NSL1: variants seen among roughly 807,000 people sequenced by gnomAD.
NSL1 encodes the protein NSL1 component of MIS12 kinetochore complex.
In NSL1, 11 loss-of-function variants were observed where a neutral mutation model predicts 25.4. The ratio of observed to expected loss-of-function variants is 0.43; its 90% CI spans 0.27 to 0.72. The LOEUF is 0.72. NSL1 is among the 30% of genes least tolerant of loss of function. The pLI is 0.19. For synonymous variants in NSL1, 118 were observed against 120.6 expected, an observed-to-expected ratio of 0.98 and a Z score of 0.14; for missense variants, 330 against 342.7, an observed-to-expected ratio of 0.96 and a Z score of 0.29.
rs1659536705 is a variant in NSL1, at chr1:212,760,965, A to C, written c.500-21364T>G. 6.6e-6 allele frequency among the ~76,000 whole-genome samples: 1 copy of C among 152,248 alleles called. No homozygotes were observed. The highest frequency in any genetic ancestry group is 1.5e-5 in the Non-Finnish European group (1 of 68,048). ...GTACCAACCATAGCGTAAGTCACTA[A>C]GGAACTCACAAACATCACTGACACT... On this transcript the variant is annotated intron_variant, in intron 4 of 5. Coordinates refer to ENST00000366977, the MANE Select transcript of NSL1 (RefSeq NM_015471.4). This position sits in a 1 kb window ranked among gnomAD's most constrained non-coding sequence, Gnocchi z 4.3.
At chr1:212,784,211 AAGAGT>A (rs1217290202) in intron 3 of NSL1, 147 bp downstream of exon 3, 2 of 490,510 alleles carry the variant, frequency 4.1e-6, no homozygotes, top group Non-Finnish European at 3.6e-6. Flanking sequence ...TACAACTTAG[AAGAGT>A]AAAGTCTTAC....
chr1:212,729,779 G>A lies in NSL1; in HGVS notation c.*8629C>T, dbSNP rs1261402734. 2.5e-5 allele frequency: 25 copies of A among 985,068 alleles called. No individual in the cohort carries two copies. Among genetic ancestry groups the A allele is most frequent in the Non-Finnish European group, 2.9e-5 (24 of 829,908 alleles). 61.0% of individuals were successfully genotyped at this position (985,068 alleles called of 1,614,324 possible). A position where few individuals can be genotyped will look rare whatever the true frequency, so the allele number is the denominator to read the frequency against. ...TGGTGGAGATGCTCGGCTATAAAAC[G>A]GCTCAAAAGAACAGCTAGAACATGG... On this transcript the variant is annotated 3_prime_UTR_variant, in exon 6 of 6. Coordinates refer to ENST00000366977, the MANE Select transcript of NSL1 (RefSeq NM_015471.4).
rs1320164759 is a variant in NSL1 at position 212,727,810 on chromosome 1, C to CTAG, written c.*10595_*10597dup. 1 of 981,844 alleles carries CTAG rather than the reference C, an allele frequency of 1.0e-6. No homozygotes were observed. The highest frequency in any genetic ancestry group is 1.8e-5 in the African/African-American group (1 of 57,130). The allele number at this position is 981,844 out of a possible 1,614,324, so 60.8% of individuals were successfully genotyped here. A position where few individuals can be genotyped will look rare whatever the true frequency, so the allele number is the denominator to read the frequency against. ...ACAACTTTGAGCACTTTCTTAGACA[C>CTAG]TAGTATTACATAGTAATATTCACTA... On this transcript the variant is annotated 3_prime_UTR_variant, in exon 6 of 6. Transcript: ENST00000366977.
rs1660877660 is a variant in NSL1, at chr1:212,784,844, A to G, written c.314-351T>C. ...CAAAATGCCATCAGGACACAGAACA[A>G]TGGAAAACTGACTGACTGTGAAATA... is the stretch of plus-strand genomic sequence containing the variant. On this transcript the variant is annotated intron_variant, in intron 2 of 5. Coordinates refer to ENST00000366977, the MANE Select transcript of NSL1 (RefSeq NM_015471.4). 4.6e-5 allele frequency among the ~76,000 whole-genome samples: 7 copies of G among 152,358 alleles called. No individual in the cohort carries two copies. The South Asian group carries it at 1.4e-3, about 32-fold the overall frequency.
Position 212,731,118 on chromosome 1 carries a change from G to C in NSL1, c.*7290C>G. ...AAGAACCCCCTTCAGTGGTTCTCTAGAGAGATATTTTTTTCTTCAGAGACT... is the reference window on the plus strand; with the variant it reads ...AAGAACCCCCTTCAGTGGTTCTCTACAGAGATATTTTTTTCTTCAGAGACT... On this transcript the variant is annotated 3_prime_UTR_variant, in exon 6 of 6. Transcript: ENST00000366977. 2.0e-6 allele frequency: 2 copies of C among 983,784 alleles called. No individual in the cohort carries two copies. The highest frequency in any genetic ancestry group is 2.4e-6 in the Non-Finnish European group (2 of 829,514). The allele number at this position is 983,784 out of a possible 1,614,324, so 60.9% of individuals were successfully genotyped here.
At chr1:212,770,496 A>ACAAAT (rs1268566723) in intron 4 of NSL1, among the ~76,000 whole-genome samples, 1 of 152,124 alleles carries the variant, frequency 6.6e-6, no homozygotes, top group South Asian at 2.1e-4. Flanking sequence ...AAACAAACAA[A>ACAAAT]AAAACCAGAA....
At chr1:212,769,370 G>A (rs1330154429) in intron 4 of NSL1, among the ~76,000 whole-genome samples, 1 of 152,094 alleles carries the variant, frequency 6.6e-6, no homozygotes, top group Non-Finnish European at 1.5e-5. Flanking sequence ...ACAGGAGAAA[G>A]GCCTAAAGTT....
In NSL1 at chr1:212,737,818, C is replaced by G. The variant is rs1344947792; in HGVS notation, c.*590G>C. ...TTGCACAAATAATAGTTATCATTGTCTTACACAACAAAAAATCCTAAAGTT... is the reference window on the plus strand; with the variant it reads ...TTGCACAAATAATAGTTATCATTGTGTTACACAACAAAAAATCCTAAAGTT... On this transcript the variant is annotated 3_prime_UTR_variant, in exon 6 of 6. Coordinates refer to ENST00000366977, the MANE Select transcript of NSL1 (RefSeq NM_015471.4). 3 of 985,382 alleles carry G rather than the reference C, an allele frequency of 3.0e-6. No homozygotes were observed. Among genetic ancestry groups the G allele is most frequent in the Non-Finnish European group, 3.6e-6 (3 of 829,902 alleles). 61.0% of individuals were successfully genotyped at this position (985,382 alleles called of 1,614,324 possible). A position where few individuals can be genotyped will look rare whatever the true frequency, so the allele number is the denominator to read the frequency against.
intron 4 of NSL1, among the ~76,000 whole-genome samples, chr1:212,780,039 A>G (rs1253663429): frequency 7.4e-4 from 113 of 152,030 alleles, no homozygotes; most frequent in Non-Finnish European, 6.0e-4. Flanking sequence ...CATGATGACA[A>G]TGGCGGTTTT....
At chr1:212,766,145 A>AC in intron 4 of NSL1, 3 of 528,090 alleles carry the variant, frequency 5.7e-6, no homozygotes, top group Non-Finnish European at 6.8e-6. Flanking sequence ...CAAAAAAAAA[A>AC]AAACAAAAAA....
Position 212,784,421 on chromosome 1 carries a change from T to C in NSL1, c.386A>G (p.Tyr129Cys), listed in dbSNP as rs141286107. The C allele has an allele frequency of 2.1e-5, 34 of 1,600,740 alleles. No homozygotes were observed. In the African/African-American group the frequency reaches 4.3e-4, roughly 20 times the overall value. ...GACACATTCCAGGATCTTTCTGGGA[T>C]ACTGCTTACGTTTTGTGGCTATATC... is the stretch of plus-strand genomic sequence containing the variant. ...IVDIATKRKQ[Y>C]PRKILECVIK... The change falls in exon 3 of 6, where the codon TAT becomes TGT. Residue 129 changes from tyrosine (Y) to cysteine (C), a missense_variant. Tyr to Cys is a radical substitution (Grantham distance 194). Transcript: ENST00000366977.
In NSL1 at chr1:212,785,855, C is replaced by G. The variant is rs561426186; in HGVS notation, c.314-1362G>C. On this transcript the variant is annotated intron_variant, in intron 2 of 5. Coordinates refer to ENST00000366977, the MANE Select transcript of NSL1 (RefSeq NM_015471.4). ...ATCAGAAGCTTTATTAGGAAGAAAT[C>G]TAACATCTGAAACATAATTTTTGAA... 2.8e-4 allele frequency among the ~76,000 whole-genome samples: 42 copies of G among 152,252 alleles called. No individual in the cohort carries two copies. The South Asian group carries it at 6.4e-3, about 23-fold the overall frequency.
At chr1:212,763,978 T>C in intron 4 of NSL1, 2 of 420,406 alleles carry the variant, frequency 4.8e-6, no homozygotes, top group Non-Finnish European at 9.5e-6. Flanking sequence ...AGAATATACA[T>C]TCTCCTCATC....
At chr1:212,742,651 T>C (rs1422358420) in intron 4 of NSL1, among the ~76,000 whole-genome samples, 2 of 152,094 alleles carry the variant, frequency 1.3e-5, no homozygotes, top group Non-Finnish European at 2.9e-5. Context: ...TGTCGAAAGG[T>C]GATGAGAAAT....
At position 212,781,890 on chromosome 1, in the gene NSL1, T is replaced by C. The variant is rs750657979; in HGVS notation, c.499+482A>G. 2.2e-4 allele frequency: 65 copies of C among 294,640 alleles called. 1 individual carries two copies. The highest frequency in any genetic ancestry group is 7.4e-4 in the South Asian group (23 of 30,966). The allele number at this position is 294,640 out of a possible 1,614,324, so 18.3% of individuals were successfully genotyped here. On this transcript the variant is annotated intron_variant, in intron 4 of 5. Coordinates refer to ENST00000366977, the MANE Select transcript of NSL1 (RefSeq NM_015471.4). ...TTCTCCCTGTTGTATGGGATACATA[T>C]AAATGGAAACAAAACTGAGTTCAAA...
In NSL1 at chr1:212,732,342, C is replaced by T. The variant is rs1436150522; in HGVS notation, c.*6066G>A. ...TTTTTTTTTTTTTGAGATGAAGTTTCGTTCTTGTTGCCCAGGCTGGAGTGC... is the reference window on the plus strand; with the variant it reads ...TTTTTTTTTTTTTGAGATGAAGTTTTGTTCTTGTTGCCCAGGCTGGAGTGC... On this transcript the variant is annotated 3_prime_UTR_variant, in exon 6 of 6. Transcript: ENST00000366977. 294 of 851,396 alleles carry T rather than the reference C, an allele frequency of 3.5e-4. 1 individual carries two copies. The highest frequency in any genetic ancestry group is 6.3e-4 in the Middle Eastern group (1 of 1,576). The allele number at this position is 851,396 out of a possible 1,614,324, so 52.7% of individuals were successfully genotyped here. A position where few individuals can be genotyped will look rare whatever the true frequency, so the allele number is the denominator to read the frequency against.
intron 1 of NSL1, among the ~76,000 whole-genome samples, chr1:212,790,187 G>GTAT (rs897726629): frequency 5.3e-5 from 8 of 151,556 alleles, no homozygotes; most frequent in Admixed American, 1.3e-4. Context: ...CTAATTTTTT[G>GTAT]TATTATTATT....
chr1:212,776,094 C>A (rs1369365890), intron 4 of NSL1, among the ~76,000 whole-genome samples: 3 of 152,116 alleles, frequency 2.0e-5, no homozygotes, highest in Non-Finnish European at 4.4e-5. Context: ...GGATTACAGG[C>A]GTGAGCCACT....
chr1:212,744,808 TC>T (rs1658682115), intron 4 of NSL1, among the ~76,000 whole-genome samples: 1 of 151,904 alleles, frequency 6.6e-6, no homozygotes, highest in Non-Finnish European at 1.5e-5. Context: ...CCAAATGAAG[TC>T]TAAGAGATCT....
Sources: allele counts gnomAD v4.1 joint callset (sites outside exome capture counted in the v4.1 genomes callset), GRCh38; gene constraint gnomAD v4.1.1; non-coding constraint Gnocchi (gnomAD v3.1); transcripts MANE v1.5; gene names NCBI Gene and HGNC (gene_info 2026-07-23, HGNC 2026-07-21).